The following HNRNPF variants were observed in gnomAD, a reference collection of about 807,000 sequenced individuals.
The protein encoded by HNRNPF is HnRNP F protein.
A neutral mutation model predicts 26.0 loss-of-function variants in HNRNPF; 2 were observed. The ratio of observed to expected loss-of-function variants is 0.08; its 90% CI spans 0.03 to 0.24. The LOEUF (loss-of-function observed/expected upper bound fraction) is 0.24, where lower values mean the gene tolerates loss of function less well. HNRNPF is among the 10% of genes least tolerant of loss of function. The pLI, the probability that HNRNPF is intolerant of heterozygous loss-of-function variation, is 1.00. For synonymous variants in HNRNPF, 234 were observed against 211.5 expected (o/e 1.11, Z -0.92); for missense variants, 299 against 539.2 (o/e 0.55, Z 4.41).
chr10:43,387,290 G>A lies in HNRNPF; in HGVS notation c.595C>T (p.Leu199=), dbSNP rs759478505. The A allele has an allele frequency of 7.4e-5, 120 of 1,614,120 alleles. No individual in the cohort carries two copies. The highest frequency in any genetic ancestry group is 1.5e-4 in the African/African-American group (11 of 74,954). ...GGCCGCTGCACGGACATGAACTTCAGAGGGGGATCTGAGTATGACCTAACT... is the reference window on the plus strand; with the variant it reads ...GGCCGCTGCACGGACATGAACTTCAAAGGGGGATCTGAGTATGACCTAACT... ...EEVRSYSDPP[L]KFMSVQRPGP... The change falls in exon 4 of 4, where the codon CTG becomes TTG. Residue 199 remains leucine, a synonymous_variant. Transcript: ENST00000682386. This position sits in a 1 kb window ranked among gnomAD's most constrained non-coding sequence, Gnocchi z 6.0.
intron 1 of HNRNPF, among the ~76,000 whole-genome samples, chr10:43,400,780 C>A (rs1355572671): frequency 6.6e-6 from 1 of 152,184 alleles, no homozygotes; most frequent in Admixed American, 6.5e-5. Flanking sequence ...ATTCAATACA[C>A]AGAGCTATCC....
intron 1 of HNRNPF, among the ~76,000 whole-genome samples, chr10:43,400,350 T>C (rs1286937920): frequency 6.6e-6 from 1 of 152,246 alleles, no homozygotes; most frequent in East Asian, 1.9e-4. Context: ...TTTGTATTCA[T>C]ATTCTTATTT....
At chr10:43,395,674 A>C (rs1234693794) in intron 2 of HNRNPF, among the ~76,000 whole-genome samples, 1 of 152,216 alleles carries the variant, frequency 6.6e-6, no homozygotes, top group Non-Finnish European at 1.5e-5. Context: ...TCAGGTTTTC[A>C]AAAGGCTTCA....
intron 1 of HNRNPF, among the ~76,000 whole-genome samples, chr10:43,400,474 G>A (rs1323990609): frequency 6.6e-6 from 1 of 152,110 alleles, no homozygotes; most frequent in Non-Finnish European, 1.5e-5. Flanking sequence ...CCCCATCATG[G>A]TATATAGTAT....
chr10:43,387,919 G>A lies in HNRNPF; in HGVS notation c.-35C>T. The A allele has an allele frequency of 6.6e-7, 1 of 1,521,996 alleles. No homozygotes were observed. The highest frequency in any genetic ancestry group is 8.9e-7 in the Non-Finnish European group (1 of 1,128,864). The allele number at this position is 1,521,996 out of a possible 1,614,324, so 94.3% of individuals were successfully genotyped here. A position where few individuals can be genotyped will look rare whatever the true frequency, so the allele number is the denominator to read the frequency against. On this transcript the variant is annotated 5_prime_UTR_variant, in exon 4 of 4. Coordinates refer to ENST00000682386, the MANE Select transcript of HNRNPF (RefSeq NM_001098204.2). This position sits in a 1 kb window ranked among gnomAD's most constrained non-coding sequence, Gnocchi z 6.0. Reference sequence around the variant, plus strand: ...TCAGGGTGGGTGTCAGGTGATCTTGGGTGTGGCTTTTTTGTGGCTGGAAAA... The same window carrying A: ...TCAGGGTGGGTGTCAGGTGATCTTGAGTGTGGCTTTTTTGTGGCTGGAAAA...
At chr10:43,390,612 G>C (rs1031114878) in intron 3 of HNRNPF, among the ~76,000 whole-genome samples, 3 of 152,042 alleles carry the variant, frequency 2.0e-5, no homozygotes, top group Admixed American at 6.6e-5. Context: ...CCAGCTTAGA[G>C]CAAGTATCAT....
Position 43,405,001 on chromosome 10 carries a change from A to G in HNRNPF, c.-247+4130T>C, listed in dbSNP as rs574537443. Among the ~76,000 whole-genome samples, 3 of 152,290 alleles carry G rather than the reference A, an allele frequency of 2.0e-5. No homozygotes were observed. The East Asian group carries it at 5.8e-4, about 29-fold the overall frequency. On this transcript the variant is annotated intron_variant, in intron 1 of 3. Coordinates refer to ENST00000682386, the MANE Select transcript of HNRNPF (RefSeq NM_001098204.2). ...ATATAACGGGGGATGGAGCCTTTTA[A>G]GAAAGGGGAACCTCTAGATGATCAC...
chr10:43,401,047 A>G (rs1588998382), intron 1 of HNRNPF, among the ~76,000 whole-genome samples: 1 of 151,750 alleles, frequency 6.6e-6, no homozygotes. Flanking sequence ...GCACCACTGC[A>G]CTCCAGCCTG....
intron 1 of HNRNPF, among the ~76,000 whole-genome samples, chr10:43,403,834 A>T (rs1413030981): frequency 6.6e-6 from 1 of 151,448 alleles, no homozygotes; most frequent in Non-Finnish European, 1.5e-5. Flanking sequence ...CTCTACAAAA[A>T]ATACAAAAAA....
chr10:43,401,502 A>C (rs557574027), intron 1 of HNRNPF, among the ~76,000 whole-genome samples: 1 of 152,318 alleles, frequency 6.6e-6, no homozygotes, highest in Admixed American at 6.5e-5. Context: ...TAAAACGTTA[A>C]TAAAAAGCAA....
In HNRNPF at chr10:43,387,120, G is replaced by A; in HGVS notation, c.765C>T (p.Phe255=). 1 of 1,613,778 alleles carries A rather than the reference G, an allele frequency of 6.2e-7. No individual in the cohort carries two copies. Among genetic ancestry groups the A allele is most frequent in the Non-Finnish European group, 8.5e-7 (1 of 1,180,024 alleles). Residue 255 remains phenylalanine (F), a synonymous_variant, in exon 4 of 4, where the codon TTC becomes TTT. Transcript: ENST00000682386. The surrounding 1 kb of genome is among the most constrained non-coding windows in gnomAD (Gnocchi z 6.0). ...EYSGLSDGYG[F]TTDLFGRDLS... ...GGTCTCTCCCGAACAGGTCGGTGGT[G>A]AAGCCGTAGCCATCACTGAGGCCAC... is the stretch of plus-strand genomic sequence containing the variant.
chr10:43,387,766 G>A lies in HNRNPF; in HGVS notation c.119C>T (p.Ala40Val), dbSNP rs1588986517. ...FLSDCTIHDG[A>V]AGVHFIYTRE... The stretch of plus-strand genomic sequence containing the variant: ...AGTGTAGATGAAATGGACACCTGCG[G>A]CCCCATCATGAATCGTGCAGTCAGA... The change falls in exon 4 of 4, where the codon GCC (alanine) becomes GTC (valine). Residue 40 changes from alanine to valine, a missense_variant. This residue lies in a region of HNRNPF where 104 missense variants were observed against 239.0 expected (regional missense o/e 0.44). Coordinates refer to ENST00000682386, the MANE Select transcript of HNRNPF (RefSeq NM_001098204.2). The surrounding 1 kb of genome is among the most constrained non-coding windows in gnomAD (Gnocchi z 6.0). 6.2e-7 allele frequency: 1 copy of A among 1,613,408 alleles called. No individual in the cohort carries two copies. Among genetic ancestry groups the A allele is most frequent in the Non-Finnish European group, 8.5e-7 (1 of 1,179,780 alleles).
intron 1 of HNRNPF, among the ~76,000 whole-genome samples, chr10:43,405,529 G>A (rs1191331782): frequency 1.3e-5 from 2 of 152,020 alleles, no homozygotes; most frequent in Non-Finnish European, 2.9e-5. Context: ...GGTGGCGGCC[G>A]CCTGTAGTCC....
chr10:43,405,858 C>T (rs1564400076), intron 1 of HNRNPF, among the ~76,000 whole-genome samples: 1 of 152,052 alleles, frequency 6.6e-6, no homozygotes, highest in Non-Finnish European at 1.5e-5. Context: ...GAGCTCAGTT[C>T]TCCCTCTGCC....
chr10:43,389,158 T>C (rs1293559166), intron 3 of HNRNPF, among the ~76,000 whole-genome samples: 1 of 151,916 alleles, frequency 6.6e-6, no homozygotes, highest in Non-Finnish European at 1.5e-5. Flanking sequence ...TTTTAGGAGA[T>C]ACGGGATTTC....
chr10:43,407,485 G>A (rs543354603), intron 1 of HNRNPF, among the ~76,000 whole-genome samples: 3 of 152,254 alleles, frequency 2.0e-5, no homozygotes, highest in South Asian at 2.1e-4. Flanking sequence ...GGCGGCCTTG[G>A]GGGGAGGGCG....
intron 1 of HNRNPF, among the ~76,000 whole-genome samples, chr10:43,401,874 G>A (rs1332964179): frequency 6.6e-6 from 1 of 152,098 alleles, no homozygotes; most frequent in Non-Finnish European, 1.5e-5. Flanking sequence ...CAAGCAGCAG[G>A]CCCTGAGCTG....
chr10:43,389,106 G>A (rs1838145919), intron 3 of HNRNPF, among the ~76,000 whole-genome samples: 2 of 151,732 alleles, frequency 1.3e-5, no homozygotes. Context: ...GAGTAGCTGG[G>A]ATTACATGCA....
chr10:43,397,195 A>G lies in HNRNPF; in HGVS notation c.-246-605T>C, dbSNP rs368070314. ...CGCGCGGCGGCTCACCACGCCAGGG[A>G]CTGGCCCGTCGGCCCCGAGGAGGCG... On this transcript the variant is annotated intron_variant, in intron 1 of 3. Coordinates refer to ENST00000682386, the MANE Select transcript of HNRNPF (RefSeq NM_001098204.2). 209 of 151,230 alleles carry G rather than the reference A, an allele frequency of 1.4e-3. 1 individual carries two copies. Among genetic ancestry groups the G allele is most frequent in the Middle Eastern group, 3.4e-3 (1 of 292 alleles). 9.4% of individuals were successfully genotyped at this position (151,230 alleles called of 1,614,324 possible). A position where few individuals can be genotyped will look rare whatever the true frequency, so the allele number is the denominator to read the frequency against.
Sources: allele counts gnomAD v4.1 joint callset (sites outside exome capture counted in the v4.1 genomes callset), GRCh38; gene constraint gnomAD v4.1.1; regional missense constraint gnomAD v4.1.1; non-coding constraint Gnocchi (gnomAD v3.1); transcripts MANE v1.5; gene names NCBI Gene and HGNC (gene_info 2026-07-23, HGNC 2026-07-21).